EYA2: variants seen among roughly 807,000 people sequenced by gnomAD.
The protein encoded by EYA2 is EYA transcriptional coactivator and phosphatase 2, also known as protein phosphatase EYA2.
In EYA2, 31 loss-of-function variants were observed where a neutral mutation model predicts 69.2. The ratio of observed to expected loss-of-function variants is 0.45; its 90% CI spans 0.34 to 0.60. The LOEUF (loss-of-function observed/expected upper bound fraction) is 0.60. Ranked by LOEUF, EYA2 falls within the 20% of genes least tolerant of loss-of-function variation. The pLI is 0.02. For synonymous variants in EYA2, 257 were observed against 279.4 expected (o/e 0.92, Z 0.80); for missense variants, 622 against 701.2 (o/e 0.89, Z 1.28).
intron 10 of EYA2, among the ~76,000 whole-genome samples, chr20:47,148,143 A>G (rs778933947): frequency 5.3e-5 from 8 of 152,056 alleles, no homozygotes; most frequent in Admixed American, 1.3e-4. Flanking sequence ...TTCTGCACGC[A>G]TGTCCCAAGT....
intron 5 of EYA2, among the ~76,000 whole-genome samples, chr20:47,061,755 G>A (rs2030901559): frequency 6.6e-6 from 1 of 152,216 alleles, no homozygotes; most frequent in South Asian, 2.1e-4. Context: ...TGCAGAGGGT[G>A]TAGGCGAGTT....
At chr20:47,015,290 G>T (rs990672978) in intron 4 of EYA2, among the ~76,000 whole-genome samples, 4 of 152,188 alleles carry the variant, frequency 2.6e-5, no homozygotes, top group African/African-American at 9.7e-5. Context: ...GCTGATGATG[G>T]TTAGCCTCTC....
intron 11 of EYA2, among the ~76,000 whole-genome samples, chr20:47,169,811 G>T (rs771501814): frequency 6.6e-6 from 1 of 152,176 alleles, no homozygotes; most frequent in Non-Finnish European, 1.5e-5. Context: ...CAAGCTCAGA[G>T]TTTCACGTGC....
chr20:46,983,491 T>G (rs1222530432), intron 1 of EYA2, among the ~76,000 whole-genome samples: 3 of 152,180 alleles, frequency 2.0e-5, no homozygotes, highest in Admixed American at 6.5e-5. Context: ...AGGCTCCTCA[T>G]CCTTATTGGC....
intron 9 of EYA2, among the ~76,000 whole-genome samples, chr20:47,124,858 G>A (rs954404057): frequency 1.2e-4 from 17 of 140,736 alleles, no homozygotes; most frequent in South Asian, 1.2e-3. Context: ...CCAGCTGAAA[G>A]AACATTCTTC....
intron 1 of EYA2, among the ~76,000 whole-genome samples, chr20:46,907,122 A>G (rs1984397776): frequency 6.6e-6 from 1 of 152,206 alleles, no homozygotes; most frequent in Non-Finnish European, 1.5e-5. Context: ...ACCACGAGAC[A>G]CACACAGTGA....
intron 1 of EYA2, among the ~76,000 whole-genome samples, chr20:46,895,320 C>G (rs1243234754): frequency 6.6e-6 from 1 of 151,858 alleles, no homozygotes; most frequent in African/African-American, 2.4e-5. Flanking sequence ...GCGGCTGGGT[C>G]CTTGGCGTTT....
intron 1 of EYA2, among the ~76,000 whole-genome samples, chr20:46,923,459 A>C (rs12479641): frequency 0.24 from 36,503 of 152,176 alleles, 5,575 homozygotes; most frequent in Non-Finnish European, 0.33. Context: ...TTCTAGATAG[A>C]GGGGGAGATG....
chr20:46,965,003 A>G (rs1979688822), intron 1 of EYA2, among the ~76,000 whole-genome samples: 1 of 152,204 alleles, frequency 6.6e-6, no homozygotes, highest in Non-Finnish European at 1.5e-5. Context: ...TTGTGCCACT[A>G]GACGCCCAAC....
intron 7 of EYA2, among the ~76,000 whole-genome samples, chr20:47,084,172 G>A (rs1424033738): frequency 6.6e-6 from 1 of 152,198 alleles, no homozygotes; most frequent in African/African-American, 2.4e-5. Context: ...CTTGAACCCA[G>A]GAGGCGGAGG....
chr20:47,157,583 T>C (rs116291687), intron 10 of EYA2, among the ~76,000 whole-genome samples: 2,592 of 151,914 alleles, frequency 0.017, 75 homozygotes, highest in African/African-American at 0.059. Flanking sequence ...GGGTGGACAT[T>C]ACTAAAATCC....
intron 6 of EYA2, among the ~76,000 whole-genome samples, chr20:47,072,888 T>C (rs1014670889): frequency 1.4e-4 from 22 of 152,236 alleles, no homozygotes; most frequent in African/African-American, 5.3e-4. Flanking sequence ...CTGGGGTAGA[T>C]GGGCTTTAGG....
intron 9 of EYA2, among the ~76,000 whole-genome samples, chr20:47,109,865 A>G (rs1370491689): frequency 1.3e-5 from 2 of 152,126 alleles, no homozygotes; most frequent in Non-Finnish European, 2.9e-5. Context: ...ACATCCCACA[A>G]TGCACAGGAT....
At chr20:47,001,787 C>CTTTT (rs61340904) in intron 3 of EYA2, among the ~76,000 whole-genome samples, 2 of 147,442 alleles carry the variant, frequency 1.4e-5, no homozygotes, top group African/African-American at 5.1e-5. Flanking sequence ...TCTCTTCATT[C>CTTTT]TTTTTTTTTT....
In EYA2 at chr20:47,143,059, G is replaced by C. The variant is rs2033629272; in HGVS notation, c.889G>C (p.Asp297His). 6.2e-7 allele frequency: 1 copy of C among 1,612,962 alleles called. No individual in the cohort carries two copies. The change falls in exon 10 of 16, where the codon GAC (aspartate) becomes CAC (histidine). Residue 297 changes from aspartate to histidine, a missense_variant and splice_region_variant. By Grantham distance (81) the Asp-to-His change is moderately conservative. Around this residue, in one of 2 missense-constraint regions of EYA2, gnomAD observed 257 missense variants for 351.5 expected, o/e 0.73. Coordinates refer to ENST00000327619, the MANE Select transcript of EYA2 (RefSeq NM_005244.5). ...TGTFASRYGK[D>H]TTTSVRIGLM... ...GATTTTCCCCTTCTCTGCCTCGCAG[G>C]ACACCACGACGTCCGTGCGCATTGG...
intron 9 of EYA2, among the ~76,000 whole-genome samples, chr20:47,122,302 T>C (rs2033071097): frequency 6.8e-6 from 1 of 147,768 alleles, no homozygotes; most frequent in Non-Finnish European, 1.5e-5. Context: ...TTTTTTTTTT[T>C]TTTTTTTTTG....
At chr20:47,131,788 T>C (rs973609701) in intron 9 of EYA2, among the ~76,000 whole-genome samples, 3 of 152,166 alleles carry the variant, frequency 2.0e-5, no homozygotes, top group African/African-American at 7.2e-5. Flanking sequence ...TCTAGAACTA[T>C]TAGAGAATAA....
chr20:47,042,672 CAG>C (rs1450040521), intron 5 of EYA2, among the ~76,000 whole-genome samples: 5 of 152,206 alleles, frequency 3.3e-5, no homozygotes, highest in Admixed American at 3.3e-4. Flanking sequence ...CCACCAGCAA[CAG>C]AGAACCGAGT....
intron 10 of EYA2, among the ~76,000 whole-genome samples, chr20:47,163,203 G>A (rs1023892604): frequency 9.2e-5 from 14 of 151,962 alleles, no homozygotes; most frequent in Middle Eastern, 6.8e-3. Flanking sequence ...CTAACTTTTT[G>A]TATTTTTAAT....
Sources: gnomAD v4.1 joint callset for allele counts (sites outside exome capture counted in the v4.1 genomes callset) on GRCh38, gnomAD v4.1.1 for gene constraint, gnomAD v4.1.1 regional missense constraint, MANE v1.5 for transcripts, NCBI Gene and HGNC (gene_info 2026-07-23, HGNC 2026-07-21) for gene names.